The following FGF7 variants were observed in gnomAD, a reference collection of about 807,000 sequenced individuals.
FGF7 encodes FGF-7.
In FGF7, 6 loss-of-function variants were observed where a neutral mutation model predicts 20.5. The ratio of observed to expected loss-of-function variants is 0.29; its 90% CI spans 0.16 to 0.58. The LOEUF (loss-of-function observed/expected upper bound fraction) is 0.58, where lower values mean the gene tolerates loss of function less well. Among genes scored for constraint, FGF7 ranks in the 20% least tolerant of loss-of-function variants. The pLI is 0.90. For missense variants in FGF7, 144 were observed against 228.8 expected (o/e 0.63, Z 2.39); for synonymous variants, 64 against 74.7 (o/e 0.86, Z 0.74).
rs554260632 is a variant in FGF7, at chr15:49,457,070, CCAT to C, written c.287-26080_287-26078del. 6.4e-4 allele frequency among the ~76,000 whole-genome samples: 98 copies of C among 152,134 alleles called. 3 individuals carry two copies. In the South Asian group the frequency reaches 0.02, roughly 31 times the overall value. On this transcript the variant is annotated intron_variant, in intron 2 of 3. Transcript: ENST00000267843. Reference sequence around the variant, plus strand: ...CAGTATCATTTTTACTACTACACCACCATGCCTGTCAAAATAGGAAGACTCCAT... The same window carrying C: ...CAGTATCATTTTTACTACTACACCACGCCTGTCAAAATAGGAAGACTCCAT...
chr15:49,460,522 C>G (rs1416505060), intron 2 of FGF7, among the ~76,000 whole-genome samples: 1 of 152,128 alleles, frequency 6.6e-6, no homozygotes, highest in Non-Finnish European at 1.5e-5. Context: ...GTTTTTACTA[C>G]TTATATTTTG....
At chr15:49,470,999 C>T (rs1358210777) in intron 2 of FGF7, among the ~76,000 whole-genome samples, 2 of 152,102 alleles carry the variant, frequency 1.3e-5, no homozygotes, top group South Asian at 2.1e-4. Context: ...AGATGGTTAC[C>T]AATTCATGTA....
chr15:49,445,094 A>G (rs1383121401), intron 2 of FGF7, among the ~76,000 whole-genome samples: 1 of 151,574 alleles, frequency 6.6e-6, no homozygotes, highest in East Asian at 1.9e-4. Flanking sequence ...CCAGACTAAA[A>G]TTTCATAATT....
chr15:49,468,109 G>A (rs2054425909), intron 2 of FGF7, among the ~76,000 whole-genome samples: 1 of 152,032 alleles, frequency 6.6e-6, no homozygotes, highest in Non-Finnish European at 1.5e-5. Context: ...ATTTTCTAAT[G>A]TTTTATTTTC....
chr15:49,432,785 T>C (rs186075998), intron 2 of FGF7, among the ~76,000 whole-genome samples: 10 of 151,730 alleles, frequency 6.6e-5, no homozygotes, highest in African/African-American at 1.9e-4. Context: ...ATCCAGGGAT[T>C]TGCAGTGGGA....
chr15:49,435,735 A>G (rs1011066131), intron 2 of FGF7, among the ~76,000 whole-genome samples: 9 of 151,530 alleles, frequency 5.9e-5, no homozygotes, highest in African/African-American at 2.2e-4. Context: ...CTATGTTGTA[A>G]TTTAAAATTT....
intron 2 of FGF7, among the ~76,000 whole-genome samples, chr15:49,435,246 G>A (rs567107342): frequency 6.6e-6 from 1 of 151,498 alleles, no homozygotes; most frequent in Non-Finnish European, 1.5e-5. Context: ...TAAAATCGAA[G>A]TAATCTTTAT....
intron 2 of FGF7, among the ~76,000 whole-genome samples, chr15:49,459,745 T>C (rs138139456): frequency 5.2e-4 from 79 of 152,308 alleles, no homozygotes; most frequent in Non-Finnish European, 1.0e-3. Flanking sequence ...TGACATAAGC[T>C]GTGCTTGAGA....
intron 2 of FGF7, among the ~76,000 whole-genome samples, chr15:49,462,162 A>C (rs2053856699): frequency 6.6e-6 from 1 of 152,166 alleles, no homozygotes; most frequent in Non-Finnish European, 1.5e-5. Flanking sequence ...GCATGGTGAA[A>C]GGAGAAATGT....
At chr15:49,481,603 T>A (rs918386639) in intron 2 of FGF7, among the ~76,000 whole-genome samples, 4 of 152,174 alleles carry the variant, frequency 2.6e-5, no homozygotes, top group Non-Finnish European at 4.4e-5. Flanking sequence ...CCTGTGTTCT[T>A]CAAAATTCTG....
At chr15:49,472,403 C>T (rs1483104470) in intron 2 of FGF7, among the ~76,000 whole-genome samples, 2 of 152,138 alleles carry the variant, frequency 1.3e-5, no homozygotes, top group East Asian at 3.9e-4. Flanking sequence ...TAAAGGGCTT[C>T]TGCTGGGTAC....
rs1693258592 is a variant in FGF7, at chr15:49,486,849, A to C, written c.*2345A>C. 2 of 151,914 alleles carry C rather than the reference A, an allele frequency of 1.3e-5. No individual in the cohort carries two copies. The highest frequency in any genetic ancestry group is 1.5e-5 in the Non-Finnish European group (1 of 67,900). 9.4% of individuals were successfully genotyped at this position (151,914 alleles called of 1,614,324 possible). On this transcript the variant is annotated 3_prime_UTR_variant, in exon 4 of 4. Coordinates refer to ENST00000267843, the MANE Select transcript of FGF7 (RefSeq NM_002009.4). Reference sequence around the variant, plus strand: ...TTAGAAAATAAAATTTGCTCTAGTTACACACCTTTAGAATTCTAGAATATT... The same window carrying C: ...TTAGAAAATAAAATTTGCTCTAGTTCCACACCTTTAGAATTCTAGAATATT...
chr15:49,436,229 A>G (rs770920902), intron 2 of FGF7, among the ~76,000 whole-genome samples: 1 of 151,604 alleles, frequency 6.6e-6, no homozygotes, highest in Non-Finnish European at 1.5e-5. Flanking sequence ...AGATGATCCT[A>G]TCAAAAACCT....
chr15:49,468,919 T>A (rs1845733949), intron 2 of FGF7, among the ~76,000 whole-genome samples: 1 of 152,236 alleles, frequency 6.6e-6, no homozygotes, highest in African/African-American at 2.4e-5. Flanking sequence ...TCTATTTCAC[T>A]GTCACTTTTG....
intron 2 of FGF7, among the ~76,000 whole-genome samples, chr15:49,431,861 ATAG>A (rs1331266092): frequency 2.0e-5 from 3 of 151,756 alleles, no homozygotes; most frequent in African/African-American, 7.2e-5. Flanking sequence ...GAATGACAAG[ATAG>A]TAGAAGGAAG....
Position 49,476,218 on chromosome 15 carries a change from TTTTTTTGTTTTTGG to T in FGF7, c.287-6926_287-6913del, listed in dbSNP as rs1272149339. On this transcript the variant is annotated intron_variant, in intron 2 of 3. Coordinates refer to ENST00000267843, the MANE Select transcript of FGF7 (RefSeq NM_002009.4). Reference sequence around the variant, plus strand: ...AATTCCTATTTATTTTGCTGTTTTGTTTTTTTGTTTTTGGTTTTTTTTTTTTTGCATTTGGCATA... The same window carrying T: ...AATTCCTATTTATTTTGCTGTTTTGTTTTTTTTTTTTTTGCATTTGGCATA... Among the ~76,000 whole-genome samples the T allele has an allele frequency of 2.0e-4, 24 of 119,974 alleles. 3 individuals carry two copies. Among genetic ancestry groups the T allele is most frequent in the Middle Eastern group, 4.3e-3 (1 of 232 alleles). The allele number at this position is 119,974 out of a possible 152,430, so 78.7% of individuals were successfully genotyped here. A position where few individuals can be genotyped will look rare whatever the true frequency, so the allele number is the denominator to read the frequency against.
intron 2 of FGF7, among the ~76,000 whole-genome samples, chr15:49,446,601 T>A (rs965483632): frequency 4.0e-5 from 6 of 151,370 alleles, no homozygotes; most frequent in Admixed American, 4.0e-4. Context: ...AAGAGCTTTT[T>A]TAAAGAAGAG....
At chr15:49,483,901 AGTT>A (rs1356103483) in intron 3 of FGF7, among the ~76,000 whole-genome samples, 1 of 152,088 alleles carries the variant, frequency 6.6e-6, no homozygotes, top group Non-Finnish European at 1.5e-5. Flanking sequence ...AAGTAAATAA[AGTT>A]GTGAAACAAG....
At chr15:49,428,695 G>A (rs997772823) in intron 2 of FGF7, among the ~76,000 whole-genome samples, 5 of 151,908 alleles carry the variant, frequency 3.3e-5, no homozygotes, top group African/African-American at 1.2e-4. Flanking sequence ...CATGCTTTTG[G>A]TATCCAATTA....
Sources: gnomAD v4.1 joint callset for allele counts (sites outside exome capture counted in the v4.1 genomes callset) on GRCh38, gnomAD v4.1.1 for gene constraint, MANE v1.5 for transcripts, NCBI Gene and HGNC (gene_info 2026-07-23, HGNC 2026-07-21) for gene names.